NELL1: variants seen among roughly 807,000 people sequenced by gnomAD.
The protein encoded by NELL1 is protein kinase C-binding protein NELL1.
NELL1 carries 76 observed loss-of-function variants against 107.4 expected under a neutral mutation model. That is an observed-to-expected ratio of 0.71 (90% CI 0.59 to 0.86). NELL1 has a LOEUF of 0.86. Ranked by LOEUF, NELL1 falls within the 40% of genes least tolerant of loss-of-function variation. The pLI is 0.00. For synonymous variants in NELL1, 353 were observed against 341.2 expected (o/e 1.03, Z -0.38); for missense variants, 1,024 against 1,005.5 (o/e 1.02, Z -0.25).
intron 14 of NELL1, among the ~76,000 whole-genome samples, chr11:21,305,693 CTA>C (rs1178974229): frequency 1.3e-5 from 2 of 151,458 alleles, no homozygotes; most frequent in East Asian, 1.9e-4. Context: ...AGTATAGATT[CTA>C]TATATATGTA....
chr11:21,161,042 C>T (rs1026330160), intron 13 of NELL1, among the ~76,000 whole-genome samples: 3 of 141,266 alleles, frequency 2.1e-5, no homozygotes, highest in African/African-American at 7.9e-5. Context: ...CACACACACA[C>T]ATTTATTAGT....
intron 15 of NELL1, among the ~76,000 whole-genome samples, chr11:21,480,703 A>G (rs927791350): frequency 1.3e-5 from 2 of 152,186 alleles, no homozygotes; most frequent in African/African-American, 4.8e-5. Flanking sequence ...ACCACCAGAA[A>G]CTGCTCATTA....
At chr11:20,704,750 T>C (rs1190423357) in intron 2 of NELL1, among the ~76,000 whole-genome samples, 1 of 152,142 alleles carries the variant, frequency 6.6e-6, no homozygotes, top group African/African-American at 2.4e-5. Flanking sequence ...ATTTTATTTC[T>C]CCTTCACTTA....
chr11:20,861,524 C>T (rs1374230725), intron 4 of NELL1, among the ~76,000 whole-genome samples: 2 of 152,076 alleles, frequency 1.3e-5, no homozygotes, highest in African/African-American at 2.4e-5. Context: ...AGAAACAGGG[C>T]AGGGAGCCAA....
chr11:20,972,313 G>A (rs757142646), intron 12 of NELL1, among the ~76,000 whole-genome samples: 6 of 152,180 alleles, frequency 3.9e-5, no homozygotes, highest in Non-Finnish European at 7.3e-5. Context: ...AGTTCAATAA[G>A]ATATAAGTAA....
chr11:20,713,738 C>T (rs1451387452), intron 2 of NELL1, among the ~76,000 whole-genome samples: 1 of 152,172 alleles, frequency 6.6e-6, no homozygotes. Context: ...CACCTTGTGA[C>T]CCCTCCCCAG....
chr11:21,548,929 A>AAAAGC (rs112305128), intron 16 of NELL1, among the ~76,000 whole-genome samples: 3 of 151,060 alleles, frequency 2.0e-5, no homozygotes, highest in African/African-American at 7.3e-5. Flanking sequence ...AAGATAACAC[A>AAAAGC]AAAGCAGGAA....
intron 2 of NELL1, among the ~76,000 whole-genome samples, chr11:20,696,673 C>A (rs957614824): frequency 3.3e-5 from 5 of 152,066 alleles, no homozygotes; most frequent in African/African-American, 4.8e-5. Context: ...AAATACTACT[C>A]AATTTTTTTG....
At chr11:20,754,214 T>A (rs184217294) in intron 2 of NELL1, among the ~76,000 whole-genome samples, 2 of 152,168 alleles carry the variant, frequency 1.3e-5, no homozygotes, top group Non-Finnish European at 2.9e-5. Flanking sequence ...CTGGACTAAG[T>A]TATCTATTGC....
At chr11:20,725,693 G>T (rs756626100) in intron 2 of NELL1, among the ~76,000 whole-genome samples, 1 of 152,176 alleles carries the variant, frequency 6.6e-6, no homozygotes, top group Non-Finnish European at 1.5e-5. Context: ...TAGAATCCAG[G>T]TCGTACTAGG....
chr11:21,189,638 G>T (rs1449954480), intron 13 of NELL1, among the ~76,000 whole-genome samples: 2 of 150,070 alleles, frequency 1.3e-5, no homozygotes, highest in African/African-American at 2.5e-5. Flanking sequence ...AGATTAGTGG[G>T]TGCCAGTTAC....
chr11:21,301,536 A>C (rs569413736), intron 14 of NELL1, among the ~76,000 whole-genome samples: 190 of 152,266 alleles, frequency 1.2e-3, no homozygotes, highest in African/African-American at 4.5e-3. Context: ...GGCTGCACAA[A>C]TGTCTTCTTT....
intron 13 of NELL1, among the ~76,000 whole-genome samples, chr11:21,212,826 A>T (rs907631617): frequency 2.6e-5 from 4 of 152,094 alleles, no homozygotes; most frequent in African/African-American, 9.7e-5. Context: ...TGCACTTACC[A>T]CTCTTGGGCA....
rs555525155 is a variant in NELL1 at position 21,066,940 on chromosome 11, C to T, written c.1301-46649C>T. ...CTGCAATCCAGCCTGAGCGACAGAG[C>T]GAGACTCCATTGCAAAAAAATTTAA... On this transcript the variant is annotated intron_variant, in intron 12 of 19. Transcript: ENST00000357134. Among the ~76,000 whole-genome samples, 8 of 150,676 alleles carry T rather than the reference C, an allele frequency of 5.3e-5. No individual in the cohort carries two copies. The East Asian group carries it at 9.8e-4, about 18-fold the overall frequency.
chr11:20,838,795 T>C (rs1848574787), intron 3 of NELL1, among the ~76,000 whole-genome samples: 1 of 152,160 alleles, frequency 6.6e-6, no homozygotes, highest in Non-Finnish European at 1.5e-5. Context: ...GTTTTGGTCA[T>C]TAGTACAATT....
At chr11:20,679,515 G>A (rs1854140973) in intron 2 of NELL1, among the ~76,000 whole-genome samples, 1 of 152,168 alleles carries the variant, frequency 6.6e-6, no homozygotes, top group African/African-American at 2.4e-5. Flanking sequence ...TATGTAACAA[G>A]ACTATGGACA....
intron 12 of NELL1, among the ~76,000 whole-genome samples, chr11:21,061,944 T>C (rs1266362792): frequency 6.6e-6 from 1 of 152,204 alleles, no homozygotes; most frequent in African/African-American, 2.4e-5. Flanking sequence ...CCTTAGTCTT[T>C]CTATTCTCTC....
At chr11:21,300,492 A>T (rs923341588) in intron 14 of NELL1, among the ~76,000 whole-genome samples, 1 of 151,946 alleles carries the variant, frequency 6.6e-6, no homozygotes, top group Non-Finnish European at 1.5e-5. Context: ...CTTTAGACAG[A>T]TCACTTTGGC....
At chr11:21,428,023 T>G (rs1852873445) in intron 15 of NELL1, among the ~76,000 whole-genome samples, 1 of 152,222 alleles carries the variant, frequency 6.6e-6, no homozygotes. Flanking sequence ...TGAAGCTGAA[T>G]AGACAAGGCT....
Sources: gnomAD v4.1 joint callset for allele counts (sites outside exome capture counted in the v4.1 genomes callset) on GRCh38, gnomAD v4.1.1 for gene constraint, MANE v1.5 for transcripts, NCBI Gene and HGNC (gene_info 2026-07-23, HGNC 2026-07-21) for gene names.